The following SIPA1L1 variants were observed in gnomAD, a reference collection of about 807,000 sequenced individuals.
The protein encoded by SIPA1L1 is signal-induced proliferation-associated 1-like protein 1.
In SIPA1L1, 26 loss-of-function variants were observed where a neutral mutation model predicts 162.7. The observed-to-expected ratio is 0.16, with a 90% confidence interval of 0.12 to 0.22. SIPA1L1 has a LOEUF of 0.22. Among genes scored for constraint, SIPA1L1 ranks in the 10% least tolerant of loss-of-function variants. The pLI, the probability that SIPA1L1 is intolerant of heterozygous loss-of-function variation, is 1.00. For missense variants in SIPA1L1, 1,874 were observed against 2,241.0 expected, an observed-to-expected ratio of 0.84 and a Z score of 3.31; for synonymous variants, 829 against 837.4, an observed-to-expected ratio of 0.99 and a Z score of 0.17.
intron 2 of SIPA1L1, among the ~76,000 whole-genome samples, chr14:71,335,798 C>A (rs2035034542): frequency 6.6e-6 from 1 of 152,172 alleles, no homozygotes; most frequent in South Asian, 2.1e-4. Context: ...TAGTCTTTTG[C>A]TTTTCATTGA....
intron 2 of SIPA1L1, among the ~76,000 whole-genome samples, chr14:71,464,777 G>C (rs988586262): frequency 6.6e-6 from 1 of 152,100 alleles, no homozygotes; most frequent in African/African-American, 2.4e-5. Flanking sequence ...TCCCATGGCT[G>C]TTCTCCAGAT....
chr14:71,441,537 A>G (rs1339506648), intron 2 of SIPA1L1, among the ~76,000 whole-genome samples: 1 of 152,252 alleles, frequency 6.6e-6, no homozygotes, highest in Non-Finnish European at 1.5e-5. Context: ...AAGTGGTGGC[A>G]TGGAGGGACA....
At chr14:71,346,479 C>T (rs1296210136) in intron 2 of SIPA1L1, among the ~76,000 whole-genome samples, 1 of 152,094 alleles carries the variant, frequency 6.6e-6, no homozygotes, top group African/African-American at 2.4e-5. Context: ...AAAGGTGTCT[C>T]ATGAAGCTCA....
intron 2 of SIPA1L1, among the ~76,000 whole-genome samples, chr14:71,503,648 C>G (rs1008463589): frequency 8.6e-5 from 13 of 151,976 alleles, no homozygotes; most frequent in South Asian, 8.3e-4. Context: ...CCAAAAAAAT[C>G]GTCACTGAAA....
intron 2 of SIPA1L1, among the ~76,000 whole-genome samples, chr14:71,407,384 A>ATTTTC (rs1173172381): frequency 6.6e-6 from 1 of 151,562 alleles, no homozygotes; most frequent in Non-Finnish European, 1.5e-5. Flanking sequence ...TGAATTTTGA[A>ATTTTC]TTTTCTTTTC....
chr14:71,654,275 A>G (rs1327384055), intron 8 of SIPA1L1, among the ~76,000 whole-genome samples: 1 of 152,074 alleles, frequency 6.6e-6, no homozygotes, highest in Non-Finnish European at 1.5e-5. Context: ...TTAATAGGGG[A>G]TTTTTCCTTC....
chr14:71,357,378 A>G (rs944973342), intron 2 of SIPA1L1, among the ~76,000 whole-genome samples: 1 of 152,334 alleles, frequency 6.6e-6, no homozygotes, highest in African/African-American at 2.4e-5. Flanking sequence ...TGATTTGCTC[A>G]AGACTGTATA....
At chr14:71,617,169 C>T (rs947493346) in intron 5 of SIPA1L1, among the ~76,000 whole-genome samples, 5 of 152,164 alleles carry the variant, frequency 3.3e-5, no homozygotes, top group African/African-American at 9.7e-5. Flanking sequence ...TGTACTATTT[C>T]TGTCTCCTCC....
chr14:71,408,041 A>G (rs945611137), intron 2 of SIPA1L1, among the ~76,000 whole-genome samples: 2 of 152,214 alleles, frequency 1.3e-5, no homozygotes, highest in African/African-American at 4.8e-5. Context: ...AGATTTTTCC[A>G]GGTGATGTGA....
chr14:71,588,013 A>T lies in SIPA1L1; in HGVS notation c.141A>T (p.Gly47=). 6.2e-7 allele frequency: 1 copy of T among 1,614,134 alleles called. No individual in the cohort carries two copies. Among genetic ancestry groups the T allele is most frequent in the Non-Finnish European group, 8.5e-7 (1 of 1,179,990 alleles). The change falls in exon 5 of 24, where the codon GGA becomes GGT. Residue 47 remains glycine, a synonymous_variant. Coordinates refer to ENST00000381232, the MANE Select transcript of SIPA1L1 (RefSeq NM_001386936.1). This position sits in a 1 kb window ranked among gnomAD's most constrained non-coding sequence, Gnocchi z 4.3. ...RRFRSQNGSL[G]SSVMAPVGPP... ...TCCGGTCCCAAAATGGCAGCTTAGG[A>T]TCATCAGTTATGGCTCCTGTAGGAC...
At chr14:71,594,048 T>TA (rs2147801103) in intron 5 of SIPA1L1, among the ~76,000 whole-genome samples, 1 of 152,342 alleles carries the variant, frequency 6.6e-6, no homozygotes, top group Non-Finnish European at 1.5e-5. Context: ...TGATTGTTCT[T>TA]ACTGTTCACC....
At chr14:71,404,907 G>A (rs539646633) in intron 2 of SIPA1L1, among the ~76,000 whole-genome samples, 18 of 152,232 alleles carry the variant, frequency 1.2e-4, no homozygotes, top group African/African-American at 4.1e-4. Flanking sequence ...TTCCCATACC[G>A]ATCTGCAAAT....
chr14:71,652,703 C>T (rs2042730678), intron 8 of SIPA1L1, among the ~76,000 whole-genome samples: 1 of 151,094 alleles, frequency 6.6e-6, no homozygotes, highest in African/African-American at 2.4e-5. Flanking sequence ...TATCTTAAAG[C>T]TCCTTGTGTT....
chr14:71,724,971 C>A, intron 19 of SIPA1L1, 136 bp downstream of exon 19: 2 of 733,130 alleles, frequency 2.7e-6, no homozygotes, highest in East Asian at 5.4e-5. Context: ...GCTATCATCC[C>A]ATTTCCCTGA....
rs57809876 is a variant in SIPA1L1, at chr14:71,593,130, G to A, written c.1498+3760G>A. 6.0e-3 allele frequency among the ~76,000 whole-genome samples: 917 copies of A among 152,180 alleles called. 12 individuals carry two copies. The highest frequency in any genetic ancestry group is 0.021 in the African/African-American group (859 of 41,524). ...TATGGAGGCACAGACTAGGCAGTAG[G>A]GCTGCATTCAGATTAACCTGAATTA... On this transcript the variant is annotated intron_variant, in intron 5 of 23. Coordinates refer to ENST00000381232, the MANE Select transcript of SIPA1L1 (RefSeq NM_001386936.1).
intron 12 of SIPA1L1, among the ~76,000 whole-genome samples, chr14:71,683,417 A>G (rs1441805316): frequency 1.3e-5 from 2 of 152,202 alleles, no homozygotes; most frequent in Non-Finnish European, 2.9e-5. Flanking sequence ...CCAGATTTTG[A>G]GCATAAGTGA....
chr14:71,506,917 G>T (rs2050725667), intron 2 of SIPA1L1, among the ~76,000 whole-genome samples: 1 of 147,484 alleles, frequency 6.8e-6, no homozygotes, highest in African/African-American at 2.5e-5. Flanking sequence ...ACCCACCTCT[G>T]CCTCCCACAG....
intron 15 of SIPA1L1, chr14:71,704,999 T>A (rs2082339172): frequency 1.6e-6 from 1 of 614,746 alleles, no homozygotes; most frequent in African/African-American, 1.8e-5. Context: ...GCTATGCTAA[T>A]GTGTATGACG....
At chr14:71,452,010 C>A (rs2045863922) in intron 2 of SIPA1L1, among the ~76,000 whole-genome samples, 2 of 152,128 alleles carry the variant, frequency 1.3e-5, no homozygotes, top group African/African-American at 4.8e-5. Flanking sequence ...TATATAAATA[C>A]CTTGACTTAC....
Sources: gnomAD v4.1 joint callset for allele counts (sites outside exome capture counted in the v4.1 genomes callset) on GRCh38, gnomAD v4.1.1 for gene constraint, Gnocchi (gnomAD v3.1) non-coding constraint, MANE v1.5 for transcripts, NCBI Gene and HGNC (gene_info 2026-07-23, HGNC 2026-07-21) for gene names.